Variants in MIURF observed in about 807,000 individuals in gnomAD.
At chr22:39,504,385 A>G in the MIURF span, 1 of 399,006 alleles carries the variant, frequency 2.5e-6, no homozygotes, top group Admixed American at 4.4e-5. Context: ...GAGGCCCGGG[A>G]GAGGCAGCTG....
At chr22:39,504,342 G>A in the MIURF span, 1 of 398,906 alleles carries the variant, frequency 2.5e-6, no homozygotes. Context: ...CATCCGCCGT[G>A]AATTCCGAAA....
At chr22:39,504,300 C>T in the MIURF span, 25 of 399,094 alleles carry the variant, frequency 6.3e-5, no homozygotes, top group South Asian at 2.5e-3. Flanking sequence ...CCGACAGCTT[C>T]GCTACACTGA....
chr22:39,504,430 G>A, the MIURF span: 2 of 398,916 alleles, frequency 5.0e-6, no homozygotes, highest in Non-Finnish European at 8.8e-6. Flanking sequence ...GGCAAATTGG[G>A]GAGGATCATT....
chr22:39,504,336 C>T, the MIURF span: 25 of 399,048 alleles, frequency 6.3e-5, no homozygotes, highest in African/African-American at 1.6e-4. Flanking sequence ...TGCCTCCATC[C>T]GCCGTGAATT....
the MIURF span, chr22:39,504,238 C>T: frequency 1.5e-5 from 6 of 399,320 alleles, no homozygotes; most frequent in Admixed American, 8.8e-5. Flanking sequence ...CCCATGGCCC[C>T]GTGGAGCCGA....
At chr22:39,504,365 A>G in the MIURF span, 2 of 398,952 alleles carry the variant, frequency 5.0e-6, no homozygotes, top group African/African-American at 4.1e-5. Context: ...ATCAGAAGCT[A>G]GAGGACGCTG....
the MIURF span, chr22:39,504,255 G>C: frequency 2.5e-6 from 1 of 399,236 alleles, no homozygotes; most frequent in Non-Finnish European, 4.4e-6. Flanking sequence ...CCGAGAGGCG[G>C]TGCTGAGTCT....
the MIURF span, chr22:39,504,396 G>C: frequency 2.5e-6 from 1 of 398,974 alleles, no homozygotes; most frequent in Non-Finnish European, 4.4e-6. Context: ...GAGGCAGCTG[G>C]AGAAGGGCCT....
At chr22:39,504,420 G>A in the MIURF span, 6 of 398,996 alleles carry the variant, frequency 1.5e-5, no homozygotes, top group East Asian at 3.6e-5. Context: ...CTTTCTCAAC[G>A]GCAAATTGGG....
chr22:39,504,302 C>T, the MIURF span: 1 of 399,104 alleles, frequency 2.5e-6, no homozygotes. Context: ...GACAGCTTCG[C>T]TACACTGATC....
the MIURF span, chr22:39,504,235 C>T: frequency 5.0e-6 from 2 of 399,370 alleles, no homozygotes; most frequent in Non-Finnish European, 4.4e-6. Context: ...TCCCCCATGG[C>T]CCCGTGGAGC....
At chr22:39,504,418 A>G in the MIURF span, 1 of 398,962 alleles carries the variant, frequency 2.5e-6, no homozygotes, top group Non-Finnish European at 4.4e-6. Flanking sequence ...GTCTTTCTCA[A>G]CGGCAAATTG....
the MIURF span, chr22:39,504,364 T>A: frequency 5.0e-6 from 2 of 398,838 alleles, no homozygotes; most frequent in Non-Finnish European, 8.8e-6. Flanking sequence ...AATCAGAAGC[T>A]AGAGGACGCT....
the MIURF span, chr22:39,504,422 C>A: frequency 2.5e-6 from 1 of 398,998 alleles, no homozygotes; most frequent in Non-Finnish European, 4.4e-6. Flanking sequence ...TTCTCAACGG[C>A]AAATTGGGGA....
the MIURF span, chr22:39,504,423 A>C: frequency 2.5e-6 from 1 of 399,024 alleles, no homozygotes; most frequent in Admixed American, 4.4e-5. Flanking sequence ...TCTCAACGGC[A>C]AATTGGGGAG....
chr22:39,504,254 G>A, the MIURF span: 7 of 399,102 alleles, frequency 1.8e-5, no homozygotes, highest in African/African-American at 4.1e-5. Context: ...GCCGAGAGGC[G>A]GTGCTGAGTC....
the MIURF span, chr22:39,504,322 A>G: frequency 2.8e-4 from 113 of 398,986 alleles, 1 homozygote; most frequent in East Asian, 4.0e-3. Flanking sequence ...CGAGACTTCT[A>G]CTTTGCCTCC....
the MIURF span, chr22:39,504,340 G>A: frequency 2.3e-5 from 9 of 398,928 alleles, no homozygotes; most frequent in South Asian, 6.4e-4. Context: ...TCCATCCGCC[G>A]TGAATTCCGA....
the MIURF span, chr22:39,504,419 C>G: frequency 5.0e-6 from 2 of 398,892 alleles, no homozygotes; most frequent in Non-Finnish European, 8.8e-6. Flanking sequence ...TCTTTCTCAA[C>G]GGCAAATTGG....
Sources: gnomAD v4.1 joint callset for allele counts on GRCh38, gnomAD v4.1.1 for gene constraint, MANE v1.5 for transcripts.